Variants in WBP4 observed in about 807,000 individuals in gnomAD.
The protein encoded by WBP4 is WW domain-binding protein 4.
Under a neutral mutation model 55.4 loss-of-function variants are expected in WBP4, and 37 were observed. The ratio of observed to expected loss-of-function variants is 0.67; its 90% confidence interval spans 0.51 to 0.88. The LOEUF is 0.88. WBP4 is among the 40% of genes least tolerant of loss of function. WBP4 has a pLI of 0.00. For synonymous variants in WBP4, 142 were observed against 140.2 expected, an observed-to-expected ratio of 1.01 and a Z score of -0.09; for missense variants, 398 against 420.8, an observed-to-expected ratio of 0.95 and a Z score of 0.47.
chr13:41,076,565 G>A (rs892945937), intron 8 of WBP4, among the ~76,000 whole-genome samples: 12 of 152,044 alleles, frequency 7.9e-5, no homozygotes, highest in Non-Finnish European at 1.3e-4. Flanking sequence ...ACAGGCGTGC[G>A]TCACCACGCC....
intron 9 of WBP4, 114 bp downstream of exon 9, chr13:41,080,923 TGAGG>T: frequency 8.9e-7 from 1 of 1,129,512 alleles, no homozygotes; most frequent in Non-Finnish European, 1.3e-6. Context: ...AAGTATAGCT[TGAGG>T]CCAGATGCAC....
chr13:41,079,604 A>AAGTGT (rs1328669524), intron 8 of WBP4, among the ~76,000 whole-genome samples: 1 of 152,094 alleles, frequency 6.6e-6, no homozygotes, highest in Non-Finnish European at 1.5e-5. Flanking sequence ...GAGAAAGGGA[A>AAGTGT]ACACTTATAC....
At chr13:41,078,059 A>G (rs748346978) in intron 8 of WBP4, among the ~76,000 whole-genome samples, 1 of 152,218 alleles carries the variant, frequency 6.6e-6, no homozygotes, top group Non-Finnish European at 1.5e-5. Flanking sequence ...CTAAAATGAC[A>G]TACTGGCCAC....
chr13:41,077,568 C>T (rs976549384), intron 8 of WBP4, among the ~76,000 whole-genome samples: 1 of 152,124 alleles, frequency 6.6e-6, no homozygotes, highest in Non-Finnish European at 1.5e-5. Context: ...AAAGTATTCT[C>T]CCTAAGAAAG....
chr13:41,078,529 TAA>T (rs1051565507), intron 8 of WBP4, among the ~76,000 whole-genome samples: 1 of 152,078 alleles, frequency 6.6e-6, no homozygotes, highest in Admixed American at 6.6e-5. Flanking sequence ...TCTGAAACTA[TAA>T]AAACCCTAGA....
chr13:41,069,467 CCTAG>C lies in WBP4; in HGVS notation c.439+734_439+737del, dbSNP rs1200935819. Among the ~76,000 whole-genome samples, 13 of 152,104 alleles carry C rather than the reference CCTAG, an allele frequency of 8.5e-5. No homozygotes were observed. In the East Asian group the frequency reaches 2.1e-3, roughly 25 times the overall value. ...CACAAGGTCAGGAGATCAAAACCAT[CCTAG>C]CTAACATGGTGAAACCCCGTCTCTA... is the stretch of plus-strand genomic sequence containing the variant. On this transcript the variant is annotated intron_variant, in intron 5 of 9. Coordinates refer to ENST00000379487, the MANE Select transcript of WBP4 (RefSeq NM_007187.5).
At chr13:41,076,262 A>C in intron 8 of WBP4, 25 bp downstream of exon 8, 4 of 1,259,960 alleles carry the variant, frequency 3.2e-6, no homozygotes, top group Non-Finnish European at 3.2e-6. Context: ...TTTACTCTTC[A>C]CATCAAATTT....
chr13:41,069,492 C>T (rs1188587825), intron 5 of WBP4, among the ~76,000 whole-genome samples: 1 of 152,022 alleles, frequency 6.6e-6, no homozygotes, highest in African/African-American at 2.4e-5. Context: ...GAAACCCCGT[C>T]TCTACTGAAA....
chr13:41,082,356 C>T (rs879794460), intron 9 of WBP4, among the ~76,000 whole-genome samples: 41 of 152,212 alleles, frequency 2.7e-4, no homozygotes, highest in Admixed American at 2.6e-3. Context: ...TCAAGTGATC[C>T]TCCTGCCTCG....
chr13:41,068,787 T>C (rs1445168717), intron 5 of WBP4, 50 bp downstream of exon 5: 3 of 1,431,790 alleles, frequency 2.1e-6, no homozygotes, highest in African/African-American at 1.4e-5. Context: ...ACTAGTAGAA[T>C]AGAACAATTT....
At chr13:41,076,350 CT>C (rs1878493213) in intron 8 of WBP4, 113 bp downstream of exon 8, 1 of 808,190 alleles carries the variant, frequency 1.2e-6, no homozygotes, top group Non-Finnish European at 1.8e-6. Context: ...ACTGTCTTGG[CT>C]CACTGTAACC....
intron 6 of WBP4, 28 bp downstream of exon 6, chr13:41,071,601 T>G: frequency 6.3e-7 from 1 of 1,579,730 alleles, no homozygotes; most frequent in Non-Finnish European, 8.6e-7. Context: ...ATAGTGTTTT[T>G]GTTTTATTCT....
chr13:41,074,130 A>G (rs999563060), intron 7 of WBP4, among the ~76,000 whole-genome samples: 2 of 151,880 alleles, frequency 1.3e-5, no homozygotes, highest in Non-Finnish European at 2.9e-5. Flanking sequence ...ACGGGGTTTC[A>G]CCATGTTAGT....
chr13:41,076,029 A>G lies in WBP4; in HGVS notation c.563-15A>G. The G allele has an allele frequency of 6.2e-7, 1 of 1,603,482 alleles. No individual in the cohort carries two copies. The highest frequency in any genetic ancestry group is 8.5e-7 in the Non-Finnish European group (1 of 1,177,498). Reference sequence around the variant, plus strand: ...TTAATAACTAAATAACATGACTTTAAAATGTGTTGAGCAGAATCCAGATGG... The same window carrying G: ...TTAATAACTAAATAACATGACTTTAGAATGTGTTGAGCAGAATCCAGATGG... On this transcript the variant is annotated splice_polypyrimidine_tract_variant and intron_variant, in intron 7 of 9. Coordinates refer to ENST00000379487, the MANE Select transcript of WBP4 (RefSeq NM_007187.5).
At chr13:41,072,149 A>G (rs906723428) in intron 6 of WBP4, among the ~76,000 whole-genome samples, 4 of 151,490 alleles carry the variant, frequency 2.6e-5, no homozygotes, top group African/African-American at 7.3e-5. Context: ...GTTCCTGTCC[A>G]TTTGGAAGGA....
rs1878871706 is a variant in WBP4 at position 41,083,349 on chromosome 13, C to G, written c.*435C>G. 1 of 163,090 alleles carries G rather than the reference C, an allele frequency of 6.1e-6. No individual in the cohort carries two copies. The highest frequency in any genetic ancestry group is 1.3e-5 in the Non-Finnish European group (1 of 74,384). The allele number at this position is 163,090 out of a possible 1,614,324, so 10.1% of individuals were successfully genotyped here. On this transcript the variant is annotated 3_prime_UTR_variant, in exon 10 of 10. Coordinates refer to ENST00000379487, the MANE Select transcript of WBP4 (RefSeq NM_007187.5). ...TTCCCAGCCCAGTGATGATTTGGTT[C>G]TGAGGCTGATGTGAGAAAGCTGATG...
At chr13:41,068,053 T>A (rs1455804302) in intron 4 of WBP4, among the ~76,000 whole-genome samples, 1 of 152,102 alleles carries the variant, frequency 6.6e-6, no homozygotes, top group Non-Finnish European at 1.5e-5. Flanking sequence ...CTTTTTTTAA[T>A]ATATATATAG....
intron 8 of WBP4, among the ~76,000 whole-genome samples, chr13:41,079,903 AATG>A (rs1268393831): frequency 6.6e-6 from 1 of 152,200 alleles, no homozygotes; most frequent in Non-Finnish European, 1.5e-5. Context: ...TAAAAAATGA[AATG>A]ATAGCTTTTG....
intron 1 of WBP4, 71 bp from the exon 2 acceptor site, chr13:41,062,573 C>T (rs1184914477): frequency 7.0e-7 from 1 of 1,421,606 alleles, no homozygotes; most frequent in Non-Finnish European, 9.8e-7. Context: ...ACTTTAAAAA[C>T]TGTAAAGCAT....
Sources: gnomAD v4.1 joint callset for allele counts (sites outside exome capture counted in the v4.1 genomes callset) on GRCh38, gnomAD v4.1.1 for gene constraint, MANE v1.5 for transcripts, NCBI Gene and HGNC (gene_info 2026-07-23, HGNC 2026-07-21) for gene names.